Variants in DENND2D observed in about 807,000 individuals in gnomAD.
DENND2D encodes DENN domain-containing protein 2D.
In DENND2D, 37 loss-of-function variants were observed where a neutral mutation model predicts 59.8. The ratio of observed to expected loss-of-function variants is 0.62; its 90% CI spans 0.48 to 0.81. DENND2D has a LOEUF of 0.81. DENND2D is among the 40% of genes least tolerant of loss of function. DENND2D has a pLI of 0.00. For missense variants in DENND2D, 525 were observed against 579.7 expected (o/e 0.91, Z 0.97); for synonymous variants, 219 against 211.3 (o/e 1.04, Z -0.31).
intron 2 of DENND2D, 89 bp from the exon 3 acceptor site, chr1:111,198,831 G>C: frequency 7.4e-7 from 1 of 1,356,370 alleles, no homozygotes; most frequent in Admixed American, 1.9e-5. Context: ...TTCCTTTGAG[G>C]CTCTAAAGCA....
upstream of DENND2D, chr1:111,201,322 G>A (rs776626501): frequency 6.6e-6 from 1 of 152,264 alleles, no homozygotes; most frequent in African/African-American, 2.4e-5. Flanking sequence ...TTGTTCCAGG[G>A]TTCCAGCAGA....
upstream of DENND2D, chr1:111,200,779 T>A: frequency 8.7e-7 from 1 of 1,149,882 alleles, no homozygotes; most frequent in Non-Finnish European, 1.1e-6. Context: ...CACCTCTGGC[T>A]GAAAGTAGCC....
In DENND2D at chr1:111,198,849, G is replaced by T. The variant is rs1658515459; in HGVS notation, c.244-107C>A. ...CTTTGAGGCTCTAAAGCAGTCTAGG[G>T]TTAAGCTTCTCCACTAGCATAGGGG... On this transcript the variant is annotated intron_variant, in intron 2 of 11. Transcript: ENST00000357640. 2.7e-6 allele frequency: 3 copies of T among 1,119,224 alleles called. No homozygotes were observed. The South Asian group carries it at 4.0e-5, about 15-fold the overall frequency. 69.3% of individuals were successfully genotyped at this position (1,119,224 alleles called of 1,614,324 possible). A position where few individuals can be genotyped will look rare whatever the true frequency, so the allele number is the denominator to read the frequency against.
At position 111,192,300 on chromosome 1, in the gene DENND2D, A is replaced by C; in HGVS notation, c.812T>G (p.Ile271Ser). The C allele has an allele frequency of 6.2e-7, 1 of 1,607,444 alleles. No individual in the cohort carries two copies. Among genetic ancestry groups the C allele is most frequent in the Non-Finnish European group, 8.5e-7 (1 of 1,175,618 alleles). Residue 271 changes from isoleucine (I) to serine (S), a missense_variant, in exon 8 of 12, where the codon ATC (isoleucine) becomes AGC (serine). Physicochemically the swap from Ile to Ser is moderately radical, Grantham distance 142 (BLOSUM62 -2). This residue lies in a region of DENND2D where 225 missense variants were observed against 252.4 expected (regional missense o/e 0.89). Coordinates refer to ENST00000357640, the MANE Select transcript of DENND2D (RefSeq NM_024901.5). ...AEGLSTLSQC[I>S]HAAAALLYPF... ...GTAGAGCAGTGCGGCAGCAGCATGGATGCACTGAGACAAGGTGCTGGGACA... is the reference window on the plus strand; with the variant it reads ...GTAGAGCAGTGCGGCAGCAGCATGGCTGCACTGAGACAAGGTGCTGGGACA...
rs149873509 is a variant in DENND2D at position 111,192,452 on chromosome 1, A to G, written c.795-135T>C. 343 of 929,776 alleles carry G rather than the reference A, an allele frequency of 3.7e-4. No individual in the cohort carries two copies. The African/African-American group carries it at 4.6e-3, about 12-fold the overall frequency. The allele number at this position is 929,776 out of a possible 1,614,324, so 57.6% of individuals were successfully genotyped here. A position where few individuals can be genotyped will look rare whatever the true frequency, so the allele number is the denominator to read the frequency against. On this transcript the variant is annotated intron_variant, in intron 7 of 11. Coordinates refer to ENST00000357640, the MANE Select transcript of DENND2D (RefSeq NM_024901.5). Reference sequence around the variant, plus strand: ...GGGCAGAAAGGCAAGTCTGGGGGCCATGCTGGTCACAGAGCTTGAACGTAC... The same window carrying G: ...GGGCAGAAAGGCAAGTCTGGGGGCCGTGCTGGTCACAGAGCTTGAACGTAC...
chr1:111,190,917 G>C (rs1232689596), intron 8 of DENND2D, among the ~76,000 whole-genome samples: 1 of 152,168 alleles, frequency 6.6e-6, no homozygotes, highest in Non-Finnish European at 1.5e-5. Context: ...TGGGGGGAGA[G>C]AGTGTGTATA....
At chr1:111,196,839 G>A in intron 5 of DENND2D, 1 of 284,592 alleles carries the variant, frequency 3.5e-6, no homozygotes, top group Non-Finnish European at 6.9e-6. Flanking sequence ...ACGCCACCCA[G>A]TGAGATAGGA....
rs1198628438 is a variant in DENND2D, at chr1:111,197,926, G to A, written c.420C>T (p.Arg140=). 1.9e-6 allele frequency: 3 copies of A among 1,613,818 alleles called. No individual in the cohort carries two copies. The highest frequency in any genetic ancestry group is 3.3e-5 in the Admixed American group (2 of 60,002). ...AGTTCTGAGCTGCACAGACCAAGAGGCGCCTGCAGTATCCAATCTTTCTGC... is the reference window on the plus strand; with the variant it reads ...AGTTCTGAGCTGCACAGACCAAGAGACGCCTGCAGTATCCAATCTTTCTGC... ...DGSRKIGYCR[R]LLPAGPGPRL... is the part of the protein sequence containing the mutation. Residue 140 remains arginine (R), a synonymous_variant, in exon 4 of 12, where the codon CGC becomes CGT. Coordinates refer to ENST00000357640, the MANE Select transcript of DENND2D (RefSeq NM_024901.5).
At chr1:111,203,251 C>T (rs1571208492), upstream of DENND2D, among the ~76,000 whole-genome samples, 1 of 152,220 alleles carries the variant, frequency 6.6e-6, no homozygotes, top group African/African-American at 2.4e-5. Flanking sequence ...GAGCAGATCA[C>T]TCAGAGGTCA....
chr1:111,192,410 GT>G, intron 7 of DENND2D, 93 bp from the exon 8 acceptor site: 1 of 1,328,166 alleles, frequency 7.5e-7, no homozygotes, highest in Non-Finnish European at 9.9e-7. Context: ...AGCTAGAGCA[GT>G]GCTGCCCATG....
Position 111,189,264 on chromosome 1 carries a change from CAT to C in DENND2D, c.973-13_973-12del, listed in dbSNP as rs1288744297. 6.2e-7 allele frequency: 1 copy of C among 1,614,142 alleles called. No homozygotes were observed. Among genetic ancestry groups the C allele is most frequent in the African/African-American group, 1.3e-5 (1 of 75,066 alleles). On this transcript the variant is annotated splice_polypyrimidine_tract_variant and intron_variant, in intron 8 of 11. Transcript: ENST00000357640. ...ATTGACCAGCAGGACCTGAAATAAA[CAT>C]AGACTGGCTTTCTCTGGTCCTCTTT...
intron 5 of DENND2D, chr1:111,196,355 T>G (rs1658226000): frequency 4.4e-6 from 1 of 228,330 alleles, no homozygotes; most frequent in African/African-American, 2.3e-5. Flanking sequence ...AGCACCTCCC[T>G]GGGAAGTCAT....
At chr1:111,199,831 C>T (rs747557717) in intron 1 of DENND2D, 33 bp from the exon 2 acceptor site, 2 of 1,595,494 alleles carry the variant, frequency 1.3e-6, no homozygotes, top group South Asian at 1.1e-5. Context: ...TTAGTATAAT[C>T]TCATTGATCC....
chr1:111,197,812 A>G (rs1658391759), intron 4 of DENND2D, 108 bp downstream of exon 4: 4 of 1,551,920 alleles, frequency 2.6e-6, no homozygotes, highest in Non-Finnish European at 3.5e-6. Context: ...TTTTTCTACA[A>G]CCAGTGCTGC....
In DENND2D at chr1:111,186,950, A is replaced by G. The variant is rs1657284892; in HGVS notation, c.*655T>C. 6.6e-6 allele frequency among the ~76,000 whole-genome samples: 1 copy of G among 152,096 alleles called. No homozygotes were observed. On this transcript the variant is annotated 3_prime_UTR_variant, in exon 12 of 12. Transcript: ENST00000357640. The stretch of plus-strand genomic sequence containing the variant: ...TTCTGGAAAGCACACCTGACTCCAA[A>G]CCAAGGACTTAGATGCCCTGTGTCC...
chr1:111,204,427 C>A, upstream of DENND2D: 1 of 1,309,500 alleles, frequency 7.6e-7, no homozygotes, highest in South Asian at 1.9e-5. Flanking sequence ...CTCCGCGGGT[C>A]CGACACTTTC....
upstream of DENND2D, among the ~76,000 whole-genome samples, chr1:111,203,353 G>A (rs745527): frequency 0.61 from 93,123 of 152,098 alleles, 30,336 homozygotes; most frequent in East Asian, 0.86. Context: ...TTGGCCTCCT[G>A]GCGTGCCAAT....
chr1:111,198,096 T>A, intron 3 of DENND2D, 107 bp from the exon 4 acceptor site: 2 of 1,055,326 alleles, frequency 1.9e-6, no homozygotes, highest in African/African-American at 1.6e-5. Flanking sequence ...AGTTGCTGAT[T>A]AATCACAGGA....
intron 6 of DENND2D, chr1:111,195,104 T>C (rs1161339370): frequency 1.0e-5 from 2 of 196,532 alleles, no homozygotes; most frequent in Non-Finnish European, 2.1e-5. Context: ...CCTTTGGCCA[T>C]GTGATACTTT....
Sources: allele counts gnomAD v4.1 joint callset (sites outside exome capture counted in the v4.1 genomes callset), GRCh38; gene constraint gnomAD v4.1.1; regional missense constraint gnomAD v4.1.1; transcripts MANE v1.5; gene names NCBI Gene and HGNC (gene_info 2026-07-23, HGNC 2026-07-21).